The following NBEAL1 variants were observed in gnomAD, a reference collection of about 807,000 sequenced individuals.
The protein encoded by NBEAL1 is neurobeachin like 1, also known as neurobeachin-like protein 1.
NBEAL1 carries 273 observed loss-of-function variants against 351.3 expected under a neutral mutation model. The observed-to-expected ratio is 0.78, with a 90% CI of 0.70 to 0.86. The LOEUF (loss-of-function observed/expected upper bound fraction) is 0.86, where lower values mean the gene tolerates loss of function less well. NBEAL1 is among the 40% of genes least tolerant of loss of function. The pLI is 0.00. For missense variants in NBEAL1, 2,961 were observed against 3,201.3 expected (o/e 0.92, Z 1.81); for synonymous variants, 1,050 against 1,086.4 (o/e 0.97, Z 0.66).
In NBEAL1 at chr2:203,223,053, C is replaced by T. The variant is rs551506623; in HGVS notation, c.*5699C>T. On this transcript the variant is annotated 3_prime_UTR_variant, in exon 56 of 56. Transcript: ENST00000683969. ...TTAATAGTGGCTGTATTATCAGATA[C>T]TTATTTGATTATAGTAATTCATCAG... is the stretch of plus-strand genomic sequence containing the variant. Among the ~76,000 whole-genome samples the T allele has an allele frequency of 2.6e-5, 4 of 152,196 alleles. No homozygotes were observed. Among genetic ancestry groups the T allele is most frequent in the Non-Finnish European group, 5.9e-5 (4 of 67,970 alleles).
At chr2:203,041,376 A>G (rs1305258884) in intron 2 of NBEAL1, among the ~76,000 whole-genome samples, 1 of 152,210 alleles carries the variant, frequency 6.6e-6, no homozygotes, top group Non-Finnish European at 1.5e-5. Context: ...GGGAGTAGCC[A>G]TTCAGATACC....
intron 51 of NBEAL1, 42 bp downstream of exon 51, chr2:203,202,823 C>G (rs750943848): frequency 8.9e-7 from 1 of 1,118,886 alleles, no homozygotes; most frequent in Non-Finnish European, 1.4e-6. Context: ...GTCAGAGATT[C>G]ACCCTGAGAA....
intron 35 of NBEAL1, among the ~76,000 whole-genome samples, chr2:203,152,505 G>C (rs1297040928): frequency 6.7e-6 from 1 of 148,510 alleles, no homozygotes; most frequent in Admixed American, 6.7e-5. Flanking sequence ...CAGGAGAATT[G>C]CTTGAACCCG....
In NBEAL1 at chr2:203,222,046, T is replaced by C. The variant is rs2065959333; in HGVS notation, c.*4692T>C. Among the ~76,000 whole-genome samples, 2 of 152,062 alleles carry C rather than the reference T, an allele frequency of 1.3e-5. No individual in the cohort carries two copies. The highest frequency in any genetic ancestry group is 1.3e-4 in the Admixed American group (2 of 15,252). ...CTACAAGACATTAAAAAATTAGCCT[T>C]GTGTGCTGGCAAGCGCCTGTAGTCC... On this transcript the variant is annotated 3_prime_UTR_variant, in exon 56 of 56. Coordinates refer to ENST00000683969, the MANE Select transcript of NBEAL1 (RefSeq NM_001378026.1).
intron 19 of NBEAL1, 79 bp from the exon 20 acceptor site, chr2:203,125,273 A>G: frequency 9.5e-7 from 1 of 1,049,274 alleles, no homozygotes; most frequent in Non-Finnish European, 1.3e-6. Context: ...AGCAGATTAT[A>G]ACTTCATACA....
chr2:203,128,209 C>CCTG (rs1165053174), intron 24 of NBEAL1, among the ~76,000 whole-genome samples: 1 of 151,392 alleles, frequency 6.6e-6, no homozygotes, highest in Non-Finnish European at 1.5e-5. Flanking sequence ...GCCTCAGCCC[C>CCTG]CTGAGTAGCT....
intron 38 of NBEAL1, among the ~76,000 whole-genome samples, chr2:203,168,814 A>C (rs2106402156): frequency 6.7e-6 from 1 of 149,692 alleles, no homozygotes; most frequent in East Asian, 2.0e-4. Flanking sequence ...GAATTGCTTG[A>C]ACTCTGGAGG....
chr2:203,154,867 C>T (rs1214930990), intron 35 of NBEAL1, among the ~76,000 whole-genome samples: 5 of 142,016 alleles, frequency 3.5e-5, no homozygotes, highest in African/African-American at 1.3e-4. Context: ...CCCAGGAGGT[C>T]GAGGCTACAG....
At position 203,126,598 on chromosome 2, in the gene NBEAL1, T is replaced by G; in HGVS notation, c.3027T>G (p.Val1009=). The G allele has an allele frequency of 6.6e-7, 1 of 1,515,152 alleles. No homozygotes were observed. The highest frequency in any genetic ancestry group is 8.8e-7 in the Non-Finnish European group (1 of 1,132,230). The allele number at this position is 1,515,152 out of a possible 1,614,324, so 93.9% of individuals were successfully genotyped here. ...TLMDVNVLMA[V]QLLIEQVSLE... ...TGGATGTTAATGTGTTGATGGCAGTTCAGTTACTAATTGAACAAGTATCAT... is the reference window on the plus strand; with the variant it reads ...TGGATGTTAATGTGTTGATGGCAGTGCAGTTACTAATTGAACAAGTATCAT... The change falls in exon 22 of 56, where the codon GTT becomes GTG. Residue 1009 remains valine (V), a synonymous_variant. Transcript: ENST00000683969.
intron 6 of NBEAL1, among the ~76,000 whole-genome samples, chr2:203,063,973 T>C (rs1042334444): frequency 6.6e-6 from 1 of 152,170 alleles, no homozygotes; most frequent in Non-Finnish European, 1.5e-5. Flanking sequence ...CATTGTAAGA[T>C]TGGATCAGGC....
Position 203,104,766 on chromosome 2 carries a change from T to G in NBEAL1, c.1270-2654T>G, listed in dbSNP as rs1217294384. Among the ~76,000 whole-genome samples the G allele has an allele frequency of 2.6e-5, 4 of 152,202 alleles. No homozygotes were observed. In the East Asian group the frequency reaches 7.7e-4, roughly 29 times the overall value. On this transcript the variant is annotated intron_variant, in intron 12 of 55. Coordinates refer to ENST00000683969, the MANE Select transcript of NBEAL1 (RefSeq NM_001378026.1). ...GGTAGTAATGAATTCTTTTAGCATT[T>G]GCTTCTCTGAAAAGGATCTTATTCT...
chr2:203,130,607 A>T (rs1436610768), intron 25 of NBEAL1, 131 bp downstream of exon 25: 1 of 560,362 alleles, frequency 1.8e-6, no homozygotes, highest in Admixed American at 4.4e-5. Context: ...ACTTATTTTT[A>T]TATATAGTTT....
chr2:203,167,773 C>T (rs758824712), intron 38 of NBEAL1, among the ~76,000 whole-genome samples: 12 of 152,158 alleles, frequency 7.9e-5, no homozygotes, highest in Non-Finnish European at 1.6e-4. Context: ...TACCAGGGTC[C>T]GTGTACTGTC....
chr2:203,162,161 T>C (rs959980482), intron 36 of NBEAL1, among the ~76,000 whole-genome samples: 3 of 151,288 alleles, frequency 2.0e-5, no homozygotes, highest in Non-Finnish European at 1.5e-5. Flanking sequence ...GTAGCTGGAA[T>C]TACAGGTGTG....
intron 25 of NBEAL1, 72 bp downstream of exon 25, chr2:203,130,548 C>A: frequency 3.2e-6 from 3 of 942,342 alleles, no homozygotes; most frequent in Non-Finnish European, 4.3e-6. Context: ...GCAATATATC[C>A]ATTCTGTGAC....
At chr2:203,212,188 C>T (rs921766423) in intron 54 of NBEAL1, among the ~76,000 whole-genome samples, 3 of 151,944 alleles carry the variant, frequency 2.0e-5, no homozygotes, top group African/African-American at 4.8e-5. Flanking sequence ...GCACCTGGCC[C>T]GAGATTTCTG....
chr2:203,194,662 T>G (rs1237913904), intron 47 of NBEAL1, among the ~76,000 whole-genome samples: 2 of 152,182 alleles, frequency 1.3e-5, no homozygotes, highest in Admixed American at 1.3e-4. Context: ...AGATATTCTG[T>G]AGATACATAT....
intron 36 of NBEAL1, among the ~76,000 whole-genome samples, chr2:203,162,152 T>C (rs927266524): frequency 6.6e-6 from 1 of 151,416 alleles, no homozygotes; most frequent in Admixed American, 6.6e-5. Context: ...GCCTCTCAAG[T>C]AGCTGGAATT....
chr2:203,196,507 A>G (rs528803363), intron 47 of NBEAL1, among the ~76,000 whole-genome samples: 2 of 152,224 alleles, frequency 1.3e-5, no homozygotes, highest in Admixed American at 6.5e-5. Context: ...GGTTTTTTTC[A>G]GGTACCATTT....
Sources: gnomAD v4.1 joint callset for allele counts (sites outside exome capture counted in the v4.1 genomes callset) on GRCh38, gnomAD v4.1.1 for gene constraint, MANE v1.5 for transcripts, NCBI Gene and HGNC (gene_info 2026-07-23, HGNC 2026-07-21) for gene names.